PPP2R2C: variants seen among roughly 807,000 people sequenced by gnomAD.
PPP2R2C encodes protein phosphatase 2 regulatory subunit Bgamma, also known as protein phosphatase 2, regulatory subunit B, gamma.
In PPP2R2C, 10 loss-of-function variants were observed where a neutral mutation model predicts 45.3. The ratio of observed to expected loss-of-function variants is 0.22; its 90% confidence interval spans 0.14 to 0.37. The LOEUF is 0.37. PPP2R2C is among the 10% of genes least tolerant of loss of function. The pLI is 1.00. For synonymous variants in PPP2R2C, 257 were observed against 245.4 expected (o/e 1.05, Z -0.44); for missense variants, 308 against 619.7 (o/e 0.50, Z 5.34).
chr4:6,510,535 C>T (rs1404655948), intron 2 of PPP2R2C, among the ~76,000 whole-genome samples: 3 of 152,174 alleles, frequency 2.0e-5, no homozygotes, highest in Non-Finnish European at 4.4e-5. Context: ...TGTGTCCCTG[C>T]CCCGCCCCAC....
intron 2 of PPP2R2C, among the ~76,000 whole-genome samples, chr4:6,503,698 T>C (rs1472788036): frequency 6.6e-6 from 1 of 151,590 alleles, no homozygotes; most frequent in African/African-American, 2.4e-5. Context: ...ACTTCATTCC[T>C]AACAGACAAA....
chr4:6,368,412 G>A lies in PPP2R2C; in HGVS notation c.625+4111C>T, dbSNP rs1371727807. Among the ~76,000 whole-genome samples the A allele has an allele frequency of 1.1e-4, 16 of 152,204 alleles. No individual in the cohort carries two copies. Among genetic ancestry groups the A allele is most frequent in the Admixed American group, 2.0e-4 (3 of 15,284 alleles). On this transcript the variant is annotated intron_variant, in intron 5 of 8. Transcript: ENST00000382599. The surrounding 1 kb of genome is among the most constrained non-coding windows in gnomAD (Gnocchi z 4.2). ...TATCACGTGTCCACTCCTGGAGGCA[G>A]AATCTTTATCTAGTTCCAGCATCAC...
intron 2 of PPP2R2C, among the ~76,000 whole-genome samples, chr4:6,478,938 C>T (rs749443858): frequency 1.8e-4 from 27 of 152,172 alleles, no homozygotes; most frequent in Non-Finnish European, 4.0e-4. Context: ...GCGTCGCTGG[C>T]CCAAACAATT....
Position 6,329,143 on chromosome 4 carries a change from TG to T in PPP2R2C, c.1052+118del. 1.1e-6 allele frequency: 1 copy of T among 898,708 alleles called. No homozygotes were observed. The highest frequency in any genetic ancestry group is 1.8e-6 in the Non-Finnish European group (1 of 563,294). 55.7% of individuals were successfully genotyped at this position (898,708 alleles called of 1,614,324 possible). On this transcript the variant is annotated intron_variant, in intron 8 of 8. Transcript: ENST00000382599. The surrounding 1 kb of genome is among the most constrained non-coding windows in gnomAD (Gnocchi z 5.8). ...AAAGCGTGGGCTTCACCCAGACACC[TG>T]GACCCATTGAGGCTGAGTAGCCCCA...
chr4:6,345,331 A>G lies in PPP2R2C; in HGVS notation c.790+2515T>C, dbSNP rs1434983125. Among the ~76,000 whole-genome samples, 1 of 152,196 alleles carries G rather than the reference A, an allele frequency of 6.6e-6. No homozygotes were observed. The highest frequency in any genetic ancestry group is 2.1e-4 in the South Asian group (1 of 4,826). On this transcript the variant is annotated intron_variant, in intron 6 of 8. Coordinates refer to ENST00000382599, the MANE Select transcript of PPP2R2C (RefSeq NM_020416.4). This position sits in a 1 kb window ranked among gnomAD's most constrained non-coding sequence, Gnocchi z 5.3. ...CGTAGGTGGGGGGGCAGTGTCCTGT[A>G]GTAGGCGGTGGAACGGCCCCCAGAG...
At chr4:6,546,509 AT>A (rs1724989555) in intron 1 of PPP2R2C, among the ~76,000 whole-genome samples, 1 of 152,152 alleles carries the variant, frequency 6.6e-6, no homozygotes, top group African/African-American at 2.4e-5. Context: ...GGGATGTGCA[AT>A]GACTAGCCCA....
At chr4:6,560,978 C>T (rs540889510) in intron 1 of PPP2R2C, among the ~76,000 whole-genome samples, 12 of 152,336 alleles carry the variant, frequency 7.9e-5, no homozygotes, top group African/African-American at 2.9e-4. Flanking sequence ...CTGCCCTCCT[C>T]CCCTGGCAGG....
intron 1 of PPP2R2C, among the ~76,000 whole-genome samples, chr4:6,407,778 A>G (rs55678743): frequency 0.27 from 40,458 of 152,020 alleles, 5,905 homozygotes; most frequent in East Asian, 0.68. Flanking sequence ...AAGTGAGGAA[A>G]ATGGATTCAA....
chr4:6,346,326 C>T (rs1046199044), intron 6 of PPP2R2C, among the ~76,000 whole-genome samples: 1 of 152,178 alleles, frequency 6.6e-6, no homozygotes, highest in Non-Finnish European at 1.5e-5. Context: ...TGTGTGGAGT[C>T]ACGGCCACTG....
intron 2 of PPP2R2C, among the ~76,000 whole-genome samples, chr4:6,479,010 C>T (rs61142488): frequency 0.027 from 4,122 of 152,276 alleles, 198 homozygotes; most frequent in African/African-American, 0.093. Context: ...CACATGGCCA[C>T]GTGACCTCAG....
At chr4:6,511,299 G>C (rs1482984325) in intron 2 of PPP2R2C, among the ~76,000 whole-genome samples, 1 of 151,960 alleles carries the variant, frequency 6.6e-6, no homozygotes, top group Non-Finnish European at 1.5e-5. Flanking sequence ...TGCTGATGGT[G>C]GTGGTGATGG....
chr4:6,512,380 G>A (rs1388569080), intron 2 of PPP2R2C, among the ~76,000 whole-genome samples: 57 of 115,436 alleles, frequency 4.9e-4, no homozygotes, highest in African/African-American at 1.6e-3. Context: ...GGTGGTGGTG[G>A]TGGTGGTGAT....
intron 5 of PPP2R2C, among the ~76,000 whole-genome samples, chr4:6,363,763 G>C (rs940423017): frequency 3.3e-5 from 5 of 152,088 alleles, no homozygotes; most frequent in Admixed American, 3.3e-4. Context: ...CAGATCAAGG[G>C]AGACCCGGCA....
At chr4:6,456,306 TTC>T (rs1491484737) in intron 1 of PPP2R2C, among the ~76,000 whole-genome samples, 23 of 19,360 alleles carry the variant, frequency 1.2e-3, no homozygotes, top group South Asian at 2.5e-3. Context: ...AGGATGTTAT[TTC>T]CCCCCCCCCC....
At chr4:6,521,869 G>C (rs1053099948) in intron 2 of PPP2R2C, among the ~76,000 whole-genome samples, 2 of 152,204 alleles carry the variant, frequency 1.3e-5, no homozygotes, top group African/African-American at 4.8e-5. Context: ...TCACGGAAGA[G>C]CCGGGAAGCA....
intron 2 of PPP2R2C, among the ~76,000 whole-genome samples, chr4:6,498,147 A>G (rs895247225): frequency 6.6e-6 from 1 of 152,256 alleles, no homozygotes; most frequent in African/African-American, 2.4e-5. Flanking sequence ...GGGCACAGCC[A>G]TAGAAATTAG....
intron 1 of PPP2R2C, among the ~76,000 whole-genome samples, chr4:6,396,332 C>T (rs1040495536): frequency 1.3e-5 from 2 of 152,206 alleles, no homozygotes; most frequent in African/African-American, 4.8e-5. Context: ...TACCTTGTGG[C>T]CTGTACCCCA....
chr4:6,529,749 C>T (rs1412073757), intron 2 of PPP2R2C, among the ~76,000 whole-genome samples: 2 of 152,190 alleles, frequency 1.3e-5, no homozygotes, highest in Non-Finnish European at 2.9e-5. Flanking sequence ...CTGCTGTGGC[C>T]CCAGCCACTG....
chr4:6,361,257 A>T (rs1427413244), intron 5 of PPP2R2C, among the ~76,000 whole-genome samples: 1 of 152,200 alleles, frequency 6.6e-6, no homozygotes, highest in Non-Finnish European at 1.5e-5. Context: ...TGCACAAGCC[A>T]CTGAGCCCTG....
Sources: allele counts gnomAD v4.1 joint callset (sites outside exome capture counted in the v4.1 genomes callset), GRCh38; gene constraint gnomAD v4.1.1; non-coding constraint Gnocchi (gnomAD v3.1); transcripts MANE v1.5; gene names NCBI Gene and HGNC (gene_info 2026-07-23, HGNC 2026-07-21).